Variants in SAE1 observed in about 807,000 individuals in gnomAD.
The protein encoded by SAE1 is SUMO1 activating enzyme subunit 1.
SAE1 carries 11 observed loss-of-function variants against 40.6 expected under a neutral mutation model. That is an observed-to-expected ratio of 0.27 (90% CI 0.17 to 0.45). SAE1 has a LOEUF of 0.45. Ranked by LOEUF, SAE1 falls within the 20% of genes least tolerant of loss-of-function variation. The pLI, the probability that SAE1 is intolerant of heterozygous loss-of-function variation, is 1.00. For synonymous variants in SAE1, 155 were observed against 154.3 expected (o/e 1.00, Z -0.03); for missense variants, 373 against 427.3 (o/e 0.87, Z 1.12).
rs931240609 is a variant in SAE1, at chr19:47,209,677, T to C, written c.*426T>C. On this transcript the variant is annotated 3_prime_UTR_variant, in exon 9 of 9. Coordinates refer to ENST00000270225, the MANE Select transcript of SAE1 (RefSeq NM_005500.3). ...TGGACTTATTCCCCACCTGATACCT[T>C]ATAGAGAAAAGTGTGAATTCAGGTG... The C allele has an allele frequency of 1.1e-4, 20 of 182,388 alleles. No individual in the cohort carries two copies. Among genetic ancestry groups the C allele is most frequent in the Admixed American group, 1.2e-4 (2 of 16,482 alleles). The allele number at this position is 182,388 out of a possible 1,614,324, so 11.3% of individuals were successfully genotyped here.
chr19:47,168,137 G>C (rs911036170), intron 5 of SAE1, among the ~76,000 whole-genome samples: 1 of 152,092 alleles, frequency 6.6e-6, no homozygotes, highest in African/African-American at 2.4e-5. Context: ...AGGTTGCAGC[G>C]AGCTGAGATC....
intron 7 of SAE1, among the ~76,000 whole-genome samples, chr19:47,198,619 C>T (rs1411781967): frequency 6.6e-6 from 1 of 152,192 alleles, no homozygotes; most frequent in East Asian, 1.9e-4. Flanking sequence ...CATTACAGTG[C>T]TTGCTCTAGT....
chr19:47,169,746 G>GAGA, intron 5 of SAE1, 72 bp from the exon 6 acceptor site: 2 of 990,576 alleles, frequency 2.0e-6, no homozygotes, highest in Non-Finnish European at 3.2e-6. Flanking sequence ...TTCTGCAATA[G>GAGA]AGAAGAGCAA....
intron 6 of SAE1, among the ~76,000 whole-genome samples, chr19:47,193,215 G>A (rs956913367): frequency 3.3e-5 from 5 of 151,762 alleles, no homozygotes; most frequent in African/African-American, 9.7e-5. Flanking sequence ...CCACCACCAT[G>A]CACGGCTAAT....
intron 3 of SAE1, among the ~76,000 whole-genome samples, chr19:47,151,175 GT>G (rs1313771552): frequency 6.6e-6 from 1 of 151,728 alleles, no homozygotes; most frequent in Non-Finnish European, 1.5e-5. Context: ...TTGAGATGGA[GT>G]TTTGCTCTTG....
intron 1 of SAE1, among the ~76,000 whole-genome samples, chr19:47,136,441 T>G (rs778526435): frequency 1.3e-5 from 2 of 151,718 alleles, no homozygotes; most frequent in African/African-American, 2.4e-5. Flanking sequence ...CCCAGCCTGA[T>G]TTATTTTCAT....
At chr19:47,170,786 C>T (rs1198198387) in intron 6 of SAE1, among the ~76,000 whole-genome samples, 3 of 152,120 alleles carry the variant, frequency 2.0e-5, no homozygotes, top group East Asian at 1.9e-4. Flanking sequence ...GAGTTAAAGG[C>T]GTAAGCCACC....
At chr19:47,207,282 G>T (rs749882630) in intron 8 of SAE1, among the ~76,000 whole-genome samples, 56 of 152,132 alleles carry the variant, frequency 3.7e-4, no homozygotes, top group Non-Finnish European at 7.6e-4. Flanking sequence ...TGGAAAAATG[G>T]CTGACTAACA....
intron 6 of SAE1, among the ~76,000 whole-genome samples, chr19:47,175,585 A>G (rs535702065): frequency 1.1e-4 from 16 of 152,064 alleles, no homozygotes; most frequent in Non-Finnish European, 2.1e-4. Context: ...AAAAAACACA[A>G]AAATTAGCCA....
At chr19:47,192,691 C>T (rs2058586642) in intron 6 of SAE1, among the ~76,000 whole-genome samples, 1 of 151,972 alleles carries the variant, frequency 6.6e-6, no homozygotes, top group Admixed American at 6.6e-5. Context: ...TAGGCACCCA[C>T]CACACTTTCG....
intron 6 of SAE1, among the ~76,000 whole-genome samples, chr19:47,182,235 T>C (rs1305767030): frequency 6.6e-6 from 1 of 152,174 alleles, no homozygotes; most frequent in African/African-American, 2.4e-5. Context: ...AAACTTCTTA[T>C]TTTAGAACTT....
intron 6 of SAE1, among the ~76,000 whole-genome samples, chr19:47,181,169 A>G (rs2058503690): frequency 6.6e-6 from 1 of 151,888 alleles, no homozygotes; most frequent in South Asian, 2.1e-4. Flanking sequence ...ATACAAAATT[A>G]GCCAGGCGTG....
At chr19:47,203,769 G>A in intron 8 of SAE1, 29 bp downstream of exon 8, 1 of 1,591,422 alleles carries the variant, frequency 6.3e-7, no homozygotes, top group Non-Finnish European at 8.6e-7. Context: ...GCAGAAAATT[G>A]TTAACCATGA....
chr19:47,207,302 T>A (rs2058691443), intron 8 of SAE1, among the ~76,000 whole-genome samples: 1 of 152,184 alleles, frequency 6.6e-6, no homozygotes, highest in South Asian at 2.1e-4. Context: ...ACTATTTGTA[T>A]ATGGTAGATG....
At chr19:47,203,498 T>C (rs1366868761) in intron 7 of SAE1, among the ~76,000 whole-genome samples, 173 bp from the exon 8 acceptor site, 1 of 152,222 alleles carries the variant, frequency 6.6e-6, no homozygotes, top group East Asian at 1.9e-4. Context: ...TATGAATCCC[T>C]TGCTCAGATT....
intron 6 of SAE1, among the ~76,000 whole-genome samples, chr19:47,196,911 C>T (rs1016061326): frequency 6.6e-5 from 10 of 151,606 alleles, no homozygotes; most frequent in South Asian, 2.1e-4. Context: ...GGCCAGGTGC[C>T]GTGGCTCACA....
At chr19:47,160,795 C>CT (rs2058355268) in intron 5 of SAE1, among the ~76,000 whole-genome samples, 1 of 152,120 alleles carries the variant, frequency 6.6e-6, no homozygotes, top group African/African-American at 2.4e-5. Context: ...TCCCAAAGTG[C>CT]TGGGATTACA....
chr19:47,170,761 C>T (rs1002468914), intron 6 of SAE1, among the ~76,000 whole-genome samples: 7 of 152,152 alleles, frequency 4.6e-5, no homozygotes, highest in African/African-American at 1.7e-4. Flanking sequence ...CCCGCGTTGG[C>T]CTTCCAAAGT....
Position 47,167,274 on chromosome 19 carries a change from A to G in SAE1, c.628-2544A>G, listed in dbSNP as rs537840794. Among the ~76,000 whole-genome samples, 280 of 117,386 alleles carry G rather than the reference A, an allele frequency of 2.4e-3. 2 individuals carry two copies. Among genetic ancestry groups the G allele is most frequent in the African/African-American group, 8.8e-3 (271 of 30,896 alleles). The allele number at this position is 117,386 out of a possible 152,430, so 77.0% of individuals were successfully genotyped here. A position where few individuals can be genotyped will look rare whatever the true frequency, so the allele number is the denominator to read the frequency against. ...CGGCCTGCGCCCAGATAATTTTTGTATTTTTTTTTTTTTTGAGAGTCTCGC... is the reference window on the plus strand; with the variant it reads ...CGGCCTGCGCCCAGATAATTTTTGTGTTTTTTTTTTTTTTGAGAGTCTCGC... On this transcript the variant is annotated intron_variant, in intron 5 of 8. Transcript: ENST00000270225.
Sources: allele counts gnomAD v4.1 joint callset (sites outside exome capture counted in the v4.1 genomes callset), GRCh38; gene constraint gnomAD v4.1.1; transcripts MANE v1.5; gene names NCBI Gene and HGNC (gene_info 2026-07-23, HGNC 2026-07-21).